Variants in PHACTR1 observed in about 807,000 individuals in gnomAD.
PHACTR1 encodes the protein RPEL repeat containing 1.
A neutral mutation model predicts 69.2 loss-of-function variants in PHACTR1; 16 were observed. That is an observed-to-expected ratio of 0.23 (90% CI 0.16 to 0.35). PHACTR1 has a LOEUF of 0.35. PHACTR1 is among the 10% of genes least tolerant of loss of function. The pLI, the probability that PHACTR1 is intolerant of heterozygous loss-of-function variation, is 1.00. For missense variants in PHACTR1, 510 were observed against 734.7 expected, an observed-to-expected ratio of 0.69 and a Z score of 3.54; for synonymous variants, 312 against 284.5, an observed-to-expected ratio of 1.10 and a Z score of -0.97.
At chr6:13,117,256 C>T (rs777225972) in intron 5 of PHACTR1, among the ~76,000 whole-genome samples, 15 of 152,178 alleles carry the variant, frequency 9.9e-5, no homozygotes, top group South Asian at 4.1e-4. Context: ...CACTTGGTTT[C>T]GTTTCTGCAG....
At chr6:13,040,047 C>CT (rs1179130180) in intron 4 of PHACTR1, among the ~76,000 whole-genome samples, 4 of 152,108 alleles carry the variant, frequency 2.6e-5, no homozygotes, top group Non-Finnish European at 5.9e-5. Flanking sequence ...TAATGTTTTC[C>CT]TTTGCACAGT....
In PHACTR1 at chr6:13,179,444, G is replaced by GTGTGTGTGTGTA. The variant is rs1761874275; in HGVS notation, c.497-3074_497-3073insGTGTGTGTGTAT. Reference sequence around the variant, plus strand: ...TGTGTGTGTGTGTGTGTGTGTGTGTGTTTAAAAATGTCATAATAAAAAATT... The same window carrying GTGTGTGTGTGTA: ...TGTGTGTGTGTGTGTGTGTGTGTGTGTGTGTGTGTGTATTTAAAAATGTCATAATAAAAAATT... On this transcript the variant is annotated intron_variant, in intron 6 of 14. Coordinates refer to ENST00000332995, the MANE Select transcript of PHACTR1 (RefSeq NM_030948.6). The surrounding 1 kb of genome is among the most constrained non-coding windows in gnomAD (Gnocchi z 4.2). Among the ~76,000 whole-genome samples, 1 of 141,920 alleles carries GTGTGTGTGTGTA rather than the reference G, an allele frequency of 7.0e-6. No homozygotes were observed. The highest frequency in any genetic ancestry group is 2.6e-5 in the African/African-American group (1 of 39,106). 93.1% of individuals were successfully genotyped at this position (141,920 alleles called of 152,430 possible). A position where few individuals can be genotyped will look rare whatever the true frequency, so the allele number is the denominator to read the frequency against.
chr6:12,838,402 G>A (rs767568120), intron 4 of PHACTR1, among the ~76,000 whole-genome samples: 16 of 152,030 alleles, frequency 1.1e-4, no homozygotes, highest in Non-Finnish European at 1.5e-4. Context: ...TCCTTGTTTC[G>A]ATTCCTAGAT....
chr6:12,810,156 G>A (rs1339525035), intron 4 of PHACTR1, among the ~76,000 whole-genome samples: 2 of 152,168 alleles, frequency 1.3e-5, no homozygotes, highest in Non-Finnish European at 2.9e-5. Flanking sequence ...GGTTGAAAAT[G>A]AAATGTCACC....
chr6:12,889,967 G>A (rs1368736273), intron 4 of PHACTR1, among the ~76,000 whole-genome samples: 1 of 151,958 alleles, frequency 6.6e-6, no homozygotes, highest in Admixed American at 6.6e-5. Flanking sequence ...GTTCTGCCAT[G>A]GTCCACTAAC....
At chr6:12,930,202 C>A (rs771211546) in intron 4 of PHACTR1, among the ~76,000 whole-genome samples, 3 of 152,064 alleles carry the variant, frequency 2.0e-5, no homozygotes, top group Non-Finnish European at 4.4e-5. Flanking sequence ...TGCCCCAACA[C>A]CTGGCTGATT....
Position 12,798,039 on chromosome 6 carries a change from G to GACACACAC in PHACTR1, c.250+48272_250+48279dup, listed in dbSNP as rs10529531. On this transcript the variant is annotated intron_variant, in intron 4 of 14. Transcript: ENST00000332995. ...ACTGTCAATGTCTCATCATTTCCTAGACACACACACACACACACACACACA... is the reference window on the plus strand; with the variant it reads ...ACTGTCAATGTCTCATCATTTCCTAGACACACACACACACACACACACACACACACACA... 4.5e-3 allele frequency among the ~76,000 whole-genome samples: 616 copies of GACACACAC among 137,862 alleles called. 7 individuals are homozygous for GACACACAC. Among genetic ancestry groups the GACACACAC allele is most frequent in the African/African-American group, 0.014 (497 of 35,814 alleles). The allele number at this position is 137,862 out of a possible 152,430, so 90.4% of individuals were successfully genotyped here.
intron 5 of PHACTR1, among the ~76,000 whole-genome samples, chr6:13,145,053 A>G (rs1012707549): frequency 1.3e-5 from 2 of 152,230 alleles, no homozygotes; most frequent in Non-Finnish European, 2.9e-5. Context: ...TGCTTAATCA[A>G]TTGGTTATCT....
intron 5 of PHACTR1, among the ~76,000 whole-genome samples, chr6:13,117,085 G>C (rs1053761890): frequency 1.3e-5 from 2 of 152,216 alleles, no homozygotes; most frequent in Non-Finnish European, 2.9e-5. Context: ...TTGAAGCCCA[G>C]AAATGCCAAG....
intron 4 of PHACTR1, among the ~76,000 whole-genome samples, chr6:12,950,055 T>G (rs918744542): frequency 1.3e-5 from 2 of 152,242 alleles, no homozygotes; most frequent in Non-Finnish European, 2.9e-5. Context: ...AGCATTTAGC[T>G]GTTTAAAACA....
chr6:13,009,602 G>A (rs1799211772), intron 4 of PHACTR1, among the ~76,000 whole-genome samples: 1 of 152,042 alleles, frequency 6.6e-6, no homozygotes, highest in African/African-American at 2.4e-5. Flanking sequence ...TAACAGCTGG[G>A]CATTCAAAAT....
chr6:13,253,607 T>C (rs1032793145), intron 10 of PHACTR1, among the ~76,000 whole-genome samples: 3 of 152,230 alleles, frequency 2.0e-5, no homozygotes, highest in African/African-American at 7.2e-5. Context: ...AGTACAGTGA[T>C]ACCTAGGGTA....
At chr6:12,753,459 G>A (rs191665380) in intron 4 of PHACTR1, among the ~76,000 whole-genome samples, 158 of 152,156 alleles carry the variant, frequency 1.0e-3, no homozygotes, top group African/African-American at 3.7e-3. Context: ...TTCTTAAAGG[G>A]GTGTCAAAAG....
At chr6:12,816,846 G>A (rs1260603759) in intron 4 of PHACTR1, among the ~76,000 whole-genome samples, 1 of 152,168 alleles carries the variant, frequency 6.6e-6, no homozygotes, top group Non-Finnish European at 1.5e-5. Context: ...ATTACAGAAG[G>A]ATGTGCAGTA....
chr6:13,097,648 A>G (rs933778682), intron 5 of PHACTR1, among the ~76,000 whole-genome samples: 3 of 152,308 alleles, frequency 2.0e-5, no homozygotes, highest in East Asian at 1.9e-4. Flanking sequence ...CCATTCAACC[A>G]TGGCACATTG....
intron 7 of PHACTR1, chr6:13,185,010 G>A (rs1433953551): frequency 8.8e-6 from 12 of 1,356,584 alleles, no homozygotes; most frequent in Non-Finnish European, 1.2e-5. Flanking sequence ...TAACAGGTGA[G>A]TGCAGACGTC....
In PHACTR1 at chr6:13,073,634, G is replaced by A. The variant is rs562482153; in HGVS notation, c.415+20105G>A. 3.9e-4 allele frequency among the ~76,000 whole-genome samples: 59 copies of A among 151,882 alleles called. No individual in the cohort carries two copies. In the South Asian group the frequency reaches 0.01, roughly 26 times the overall value. Reference sequence around the variant, plus strand: ...TGGGATTACTGGCATGAGCCACCACGCCTGACCCATTCTATGAATTTTTAT... The same window carrying A: ...TGGGATTACTGGCATGAGCCACCACACCTGACCCATTCTATGAATTTTTAT... On this transcript the variant is annotated intron_variant, in intron 5 of 14. Coordinates refer to ENST00000332995, the MANE Select transcript of PHACTR1 (RefSeq NM_030948.6).
intron 4 of PHACTR1, among the ~76,000 whole-genome samples, chr6:13,014,992 T>C (rs1179392842): frequency 2.0e-5 from 3 of 152,212 alleles, no homozygotes; most frequent in African/African-American, 7.2e-5. Context: ...GCAGGGCCGC[T>C]GGAGGTCATG....
intron 4 of PHACTR1, among the ~76,000 whole-genome samples, chr6:12,815,089 G>C (rs536149010): frequency 6.6e-6 from 1 of 152,258 alleles, no homozygotes; most frequent in African/African-American, 2.4e-5. Flanking sequence ...TAATTGCTTT[G>C]CTTTGAGTTA....
Sources: gnomAD v4.1 joint callset for allele counts (sites outside exome capture counted in the v4.1 genomes callset) on GRCh38, gnomAD v4.1.1 for gene constraint, Gnocchi (gnomAD v3.1) non-coding constraint, MANE v1.5 for transcripts, NCBI Gene and HGNC (gene_info 2026-07-23, HGNC 2026-07-21) for gene names.